Variants in SLC2A9 observed in about 807,000 individuals in gnomAD.
The protein encoded by SLC2A9 is solute carrier family 2, facilitated glucose transporter member 9.
In SLC2A9, 39 loss-of-function variants were observed where a neutral mutation model predicts 50.6. That is an observed-to-expected ratio of 0.77 (90% CI 0.60 to 1.01). The LOEUF is 1.01. SLC2A9 is among the 50% of genes least tolerant of loss of function. SLC2A9 has a pLI of 0.00. For missense variants in SLC2A9, 686 were observed against 677.6 expected (o/e 1.01, Z -0.14); for synonymous variants, 324 against 276.9 (o/e 1.17, Z -1.69).
chr4:9,838,099 A>G (rs965080385), intron 10 of SLC2A9, among the ~76,000 whole-genome samples: 1 of 152,186 alleles, frequency 6.6e-6, no homozygotes, highest in African/African-American at 2.4e-5. Flanking sequence ...AGATACTATA[A>G]TAATAATAAT....
At chr4:9,996,668 T>C (rs1758727424) in intron 3 of SLC2A9, 113 bp downstream of exon 3, 1 of 1,299,172 alleles carries the variant, frequency 7.7e-7, no homozygotes, top group South Asian at 1.3e-5. Flanking sequence ...CATTTGAATC[T>C]CTCCAGTTGA....
chr4:9,825,338 A>AT (rs1188012403), downstream of SLC2A9, among the ~76,000 whole-genome samples: 1 of 152,078 alleles, frequency 6.6e-6, no homozygotes, highest in Admixed American at 6.5e-5. Flanking sequence ...GTTGACACAG[A>AT]TTTTCTTAGC....
At position 9,848,368 on chromosome 4, in the gene SLC2A9, A is replaced by T. The variant is rs28546304; in HGVS notation, c.1292-13360T>A. ...GGATGTGTTTTCTAAAAAAAAAAAA[A>T]AAAAATGGAAAGGAGACTTCTCCAG... On this transcript the variant is annotated intron_variant, in intron 10 of 11. Coordinates refer to ENST00000264784, the MANE Select transcript of SLC2A9 (RefSeq NM_020041.3). 3.4e-3 allele frequency among the ~76,000 whole-genome samples: 524 copies of T among 152,264 alleles called. 3 individuals carry two copies. The highest frequency in any genetic ancestry group is 0.011 in the African/African-American group (459 of 41,554).
chr4:9,948,222 C>T (rs114331114), intron 5 of SLC2A9, among the ~76,000 whole-genome samples: 5 of 152,292 alleles, frequency 3.3e-5, no homozygotes, highest in Non-Finnish European at 7.3e-5. Flanking sequence ...TCTCATTCAT[C>T]TCACACACAT....
At chr4:9,943,890 C>T (rs1748642765) in intron 5 of SLC2A9, among the ~76,000 whole-genome samples, 1 of 152,190 alleles carries the variant, frequency 6.6e-6, no homozygotes, top group African/African-American at 2.4e-5. Flanking sequence ...TGTCTCCTTC[C>T]ACCGCACAGC....
intron 10 of SLC2A9, among the ~76,000 whole-genome samples, chr4:9,883,031 C>A (rs773867773): frequency 2.6e-5 from 4 of 152,104 alleles, no homozygotes; most frequent in Non-Finnish European, 5.9e-5. Context: ...AAAATAGCTT[C>A]TTTCATGGAA....
chr4:9,826,452 G>T lies in SLC2A9; in HGVS notation c.1568C>A (p.Pro523Gln). The T allele has an allele frequency of 1.9e-6, 3 of 1,613,940 alleles. No homozygotes were observed. The highest frequency in any genetic ancestry group is 2.5e-6 in the Non-Finnish European group (3 of 1,179,922). Residue 523 changes from proline to glutamine, a missense_variant, in exon 12 of 12, where the codon CCA (proline) becomes CAA (glutamine). Pro to Gln is a moderately conservative substitution (Grantham distance 76, BLOSUM62 -1). Coordinates refer to ENST00000264784, the MANE Select transcript of SLC2A9 (RefSeq NM_020041.3). ...AFSKRNKAYP[P>Q]EEKIDSAVTD... Reference sequence around the variant, plus strand: ...GACAGCTGAGTCGATTTTCTCTTCTGGTGGGTATGCTTTGTTCCTTTTGGA... The same window carrying T: ...GACAGCTGAGTCGATTTTCTCTTCTTGTGGGTATGCTTTGTTCCTTTTGGA...
chr4:9,964,396 A>C (rs1752752799), intron 5 of SLC2A9, among the ~76,000 whole-genome samples: 1 of 152,220 alleles, frequency 6.6e-6, no homozygotes, highest in South Asian at 2.1e-4. Flanking sequence ...AAGAATGCAA[A>C]GGTGACAACC....
chr4:9,941,690 T>G (rs1748158860), intron 6 of SLC2A9, among the ~76,000 whole-genome samples: 1 of 152,152 alleles, frequency 6.6e-6, no homozygotes, highest in African/African-American at 2.4e-5. Context: ...TTTTCCAGAT[T>G]CCCTGGGAGA....
chr4:10,035,555 G>A (rs1764073269), intron 1 of SLC2A9: 8 of 152,170 alleles, frequency 5.3e-5, no homozygotes, highest in Admixed American at 5.2e-4. Flanking sequence ...CATGGATCCT[G>A]GGTGTGATGC....
intron 7 of SLC2A9, among the ~76,000 whole-genome samples, chr4:9,912,658 C>A (rs1428651467): frequency 6.6e-6 from 1 of 152,110 alleles, no homozygotes; most frequent in African/African-American, 2.4e-5. Flanking sequence ...TTTACTTTTG[C>A]CTAGAACAAG....
chr4:9,849,645 G>A (rs555042399), intron 10 of SLC2A9, among the ~76,000 whole-genome samples: 1 of 152,286 alleles, frequency 6.6e-6, no homozygotes, highest in African/African-American at 2.4e-5. Flanking sequence ...GGCCATGAAA[G>A]GCCAAATTGA....
At chr4:9,790,223 T>A (rs1453105491) in intron 3 of SLC2A9, among the ~76,000 whole-genome samples, 1 of 152,132 alleles carries the variant, frequency 6.6e-6, no homozygotes, top group Non-Finnish European at 1.5e-5. Context: ...TGCCCATGGG[T>A]CCTCTCCAGG....
In SLC2A9 at chr4:9,866,183, T is replaced by C. The variant is rs116631632; in HGVS notation, c.1291+21384A>G. ...GGGTGCACTGATCCAACAGAATGGA[T>C]ATGAACATGGATGCTAATTACTATT... is the stretch of plus-strand genomic sequence containing the variant. On this transcript the variant is annotated intron_variant, in intron 10 of 11. Transcript: ENST00000264784. Among the ~76,000 whole-genome samples the C allele has an allele frequency of 9.8e-3, 1,499 of 152,194 alleles. 31 individuals carry two copies. Among genetic ancestry groups the C allele is most frequent in the African/African-American group, 0.034 (1,407 of 41,512 alleles).
chr4:9,849,762 T>G (rs979936506), intron 10 of SLC2A9, among the ~76,000 whole-genome samples: 3 of 151,926 alleles, frequency 2.0e-5, no homozygotes, highest in Non-Finnish European at 4.4e-5. Flanking sequence ...AAACCTACAG[T>G]GATGTGTTCT....
upstream of SLC2A9, chr4:10,025,729 A>G (rs541720531): frequency 3.2e-6 from 2 of 623,646 alleles, no homozygotes; most frequent in East Asian, 2.8e-5. Context: ...CTCATCCCAG[A>G]CACTCTACAA....
intron 1 of SLC2A9, among the ~76,000 whole-genome samples, chr4:9,774,156 G>C (rs962543955): frequency 5.3e-5 from 8 of 151,950 alleles, no homozygotes; most frequent in Non-Finnish European, 7.4e-5. Context: ...ACCTCACCCA[G>C]CTAATTTTTG....
intron 10 of SLC2A9, among the ~76,000 whole-genome samples, chr4:9,845,966 C>T (rs1013348187): frequency 3.9e-5 from 6 of 152,258 alleles, no homozygotes; most frequent in African/African-American, 7.2e-5. Context: ...CATTTCCATC[C>T]GACATTTACA....
intron 10 of SLC2A9, among the ~76,000 whole-genome samples, chr4:9,859,152 C>T (rs1054627493): frequency 5.9e-5 from 9 of 152,184 alleles, no homozygotes; most frequent in African/African-American, 1.9e-4. Flanking sequence ...AATGGTCTAT[C>T]GTGGGACTTT....
Sources: gnomAD v4.1 joint callset for allele counts (sites outside exome capture counted in the v4.1 genomes callset) on GRCh38, gnomAD v4.1.1 for gene constraint, MANE v1.5 for transcripts, NCBI Gene and HGNC (gene_info 2026-07-23, HGNC 2026-07-21) for gene names.